IL1R2: variants seen among roughly 807,000 people sequenced by gnomAD.
IL1R2 encodes interleukin-1 receptor type 2.
A neutral mutation model predicts 39.5 loss-of-function variants in IL1R2; 46 were observed. The ratio of observed to expected loss-of-function variants is 1.16; its 90% CI spans 0.92 to 1.49. The LOEUF is 1.49. Ranked by LOEUF, IL1R2 falls within the 40% of genes most tolerant of loss-of-function variation. The pLI is 0.00. For synonymous variants in IL1R2, 207 were observed against 189.6 expected (o/e 1.09, Z -0.75); for missense variants, 537 against 502.0 (o/e 1.07, Z -0.67).
At chr2:102,025,785 T>TGAGGAAA (rs1342538719) in intron 7 of IL1R2, among the ~76,000 whole-genome samples, 11 of 152,218 alleles carry the variant, frequency 7.2e-5, no homozygotes, top group African/African-American at 2.7e-4. Context: ...ACTAGACGTT[T>TGAGGAAA]CTGTTCCCAT....
chr2:102,017,022 C>A (rs756864980), intron 4 of IL1R2, among the ~76,000 whole-genome samples: 2 of 152,118 alleles, frequency 1.3e-5, no homozygotes, highest in African/African-American at 2.4e-5. Flanking sequence ...AAGGAAATAA[C>A]TTTTTACTGT....
chr2:102,002,461 C>CTGTG (rs1282312774), intron 1 of IL1R2, among the ~76,000 whole-genome samples: 1,429 of 139,558 alleles, frequency 0.01, 23 homozygotes, highest in African/African-American at 0.033. Context: ...GTGTCTATGT[C>CTGTG]TCTGTCTGTG....
At chr2:102,002,492 TGTGTCC>T (rs1675933713) in intron 1 of IL1R2, among the ~76,000 whole-genome samples, 5 of 137,458 alleles carry the variant, frequency 3.6e-5, no homozygotes, top group African/African-American at 8.6e-5. Flanking sequence ...TGTCTGTGTC[TGTGTCC>T]GTGTCTGTGT....
At chr2:102,006,818 G>T (rs1357154686) in intron 1 of IL1R2, among the ~76,000 whole-genome samples, 3 of 152,224 alleles carry the variant, frequency 2.0e-5, no homozygotes, top group Non-Finnish European at 4.4e-5. Flanking sequence ...ATGGCCGGGT[G>T]GGGCATTGAC....
intron 1 of IL1R2, among the ~76,000 whole-genome samples, chr2:102,001,467 A>G (rs1675857339): frequency 6.6e-6 from 1 of 152,194 alleles, no homozygotes; most frequent in South Asian, 2.1e-4. Flanking sequence ...ATGGGAGGCT[A>G]GTGTCCAGGA....
chr2:102,021,125 C>T (rs530329334), intron 5 of IL1R2, among the ~76,000 whole-genome samples: 9 of 152,078 alleles, frequency 5.9e-5, no homozygotes, highest in Non-Finnish European at 1.0e-4. Flanking sequence ...GTCGAAAAGC[C>T]GTCTGCCCCT....
At chr2:102,024,410 C>A in intron 6 of IL1R2, 123 bp from the exon 7 acceptor site, 1 of 703,610 alleles carries the variant, frequency 1.4e-6, no homozygotes, top group Non-Finnish European at 2.6e-6. Context: ...AAATTTTCTA[C>A]CAAGGAAAGA....
intron 5 of IL1R2, among the ~76,000 whole-genome samples, chr2:102,021,083 TGGAGGAGG>T (rs1351339108): frequency 1.3e-5 from 2 of 152,054 alleles, no homozygotes; most frequent in Non-Finnish European, 2.9e-5. Flanking sequence ...GCGCGTGACT[TGGAGGAGG>T]GGAGGAAAAG....
chr2:102,003,315 C>T (rs1452462011), intron 1 of IL1R2, among the ~76,000 whole-genome samples: 19 of 110,354 alleles, frequency 1.7e-4, no homozygotes, highest in African/African-American at 3.4e-4. Context: ...CTGTCTGTGT[C>T]CCATGTCTGT....
intron 1 of IL1R2, among the ~76,000 whole-genome samples, chr2:102,003,083 CGTGTCTGTGTCTATGTCT>C (rs1676008215): frequency 4.4e-5 from 1 of 22,928 alleles, no homozygotes; most frequent in Non-Finnish European, 1.0e-4. Context: ...TGGCTGTGTC[CGTGTCTGTGTCTATGTCT>C]GTGTCTATGT....
intron 1 of IL1R2, among the ~76,000 whole-genome samples, 198 bp downstream of exon 1, chr2:101,992,209 A>C (rs1490812023): frequency 6.6e-6 from 1 of 151,568 alleles, no homozygotes; most frequent in Non-Finnish European, 1.5e-5. Flanking sequence ...AGAGAGACAG[A>C]AAGAGGCAGA....
At chr2:102,020,653 T>C (rs1437064803) in intron 5 of IL1R2, among the ~76,000 whole-genome samples, 1 of 152,242 alleles carries the variant, frequency 6.6e-6, no homozygotes, top group African/African-American at 2.4e-5. Context: ...GACTGAGGTG[T>C]CCTGATTGTG....
At chr2:102,011,726 G>A (rs761661264) in intron 3 of IL1R2, among the ~76,000 whole-genome samples, 2 of 152,102 alleles carry the variant, frequency 1.3e-5, no homozygotes, top group African/African-American at 2.4e-5. Context: ...TGTTCATAGT[G>A]TCATTTGTTA....
At chr2:102,025,087 G>C (rs903021645) in intron 7 of IL1R2, among the ~76,000 whole-genome samples, 4 of 152,030 alleles carry the variant, frequency 2.6e-5, no homozygotes, top group Admixed American at 1.3e-4. Flanking sequence ...GGGAGCTGTG[G>C]GCTGCCACAA....
chr2:101,997,871 A>ACTGC (rs1675667069), intron 1 of IL1R2, among the ~76,000 whole-genome samples: 1 of 152,202 alleles, frequency 6.6e-6, no homozygotes, highest in African/African-American at 2.4e-5. Context: ...AAGAAGCAGG[A>ACTGC]CTGCCTGCCT....
intron 1 of IL1R2, among the ~76,000 whole-genome samples, chr2:102,001,387 T>A (rs1206329703): frequency 6.6e-6 from 1 of 152,208 alleles, no homozygotes; most frequent in Admixed American, 6.5e-5. Flanking sequence ...AATGCCCTAT[T>A]CTGCCAAAGA....
At chr2:102,020,308 TAGTC>T (rs1212042830) in intron 5 of IL1R2, among the ~76,000 whole-genome samples, 2 of 152,234 alleles carry the variant, frequency 1.3e-5, no homozygotes, top group Non-Finnish European at 2.9e-5. Flanking sequence ...ATATTTCAAA[TAGTC>T]AGAGCTGCCA....
At chr2:102,015,736 G>A (rs1676953760) in intron 3 of IL1R2, 135 bp from the exon 4 acceptor site, 3 of 692,500 alleles carry the variant, frequency 4.3e-6, no homozygotes, top group Non-Finnish European at 7.2e-6. Context: ...ACCATCTTAT[G>A]TCGGGAAACC....
intron 3 of IL1R2, among the ~76,000 whole-genome samples, chr2:102,013,537 AAAAAAAAAAAAAAAAG>A (rs1354812255): frequency 1.7e-4 from 24 of 143,284 alleles, no homozygotes; most frequent in African/African-American, 6.3e-4. Context: ...AAAAAAAAAA[AAAAAAAAAAAAAAAAG>A]GAAAGAAAGA....
Sources: gnomAD v4.1 joint callset for allele counts (sites outside exome capture counted in the v4.1 genomes callset) on GRCh38, gnomAD v4.1.1 for gene constraint, MANE v1.5 for transcripts, NCBI Gene and HGNC (gene_info 2026-07-23, HGNC 2026-07-21) for gene names.